Variants in LRP2BP observed in about 807,000 individuals in gnomAD.
LRP2BP encodes the protein LRP2 binding protein.
Under a neutral mutation model 45.2 loss-of-function variants are expected in LRP2BP, and 38 were observed. The ratio of observed to expected loss-of-function variants is 0.84; its 90% CI spans 0.65 to 1.10. LRP2BP has a LOEUF of 1.10. Among genes scored for constraint, LRP2BP ranks in the 50% least tolerant of loss-of-function variants. The probability of loss-of-function intolerance (pLI) is 0.00; values close to 1 mark genes in which losing one functional copy is unlikely to be tolerated. For synonymous variants in LRP2BP, 153 were observed against 153.9 expected, an observed-to-expected ratio of 0.99 and a Z score of 0.04; for missense variants, 385 against 418.9, an observed-to-expected ratio of 0.92 and a Z score of 0.71.
At chr4:185,379,047 GA>G (rs1250043339) in intron 1 of LRP2BP, 1 of 879,824 alleles carries the variant, frequency 1.1e-6, no homozygotes, top group Non-Finnish European at 1.4e-6. Context: ...CAGAAAAAAG[GA>G]ACATTTAGTA....
At chr4:185,377,769 A>C (rs2095442940) in intron 2 of LRP2BP, 1 of 218,564 alleles carries the variant, frequency 4.6e-6, no homozygotes, top group Non-Finnish European at 8.9e-6. Context: ...AAGGTATTTA[A>C]ATAATAATTG....
chr4:185,377,049 A>G (rs561083024), intron 2 of LRP2BP, 31 bp from the exon 3 acceptor site: 4 of 1,396,562 alleles, frequency 2.9e-6, no homozygotes, highest in Non-Finnish European at 3.1e-6. Flanking sequence ...AATTCCATCA[A>G]CCACACAATA....
At chr4:185,374,738 A>G (rs2095427511) in intron 4 of LRP2BP, among the ~76,000 whole-genome samples, 1 of 152,118 alleles carries the variant, frequency 6.6e-6, no homozygotes, top group African/African-American at 2.4e-5. Context: ...TTAAGTCTCG[A>G]TATGGGCTTC....
At chr4:185,394,224 A>G (rs2126857037) in intron 1 of LRP2BP, among the ~76,000 whole-genome samples, 1 of 148,788 alleles carries the variant, frequency 6.7e-6, no homozygotes, top group Non-Finnish European at 1.5e-5. Context: ...ACGCCACTGC[A>G]TTCCAATCTG....
At chr4:185,388,021 G>A (rs760239643) in intron 1 of LRP2BP, among the ~76,000 whole-genome samples, 13 of 152,206 alleles carry the variant, frequency 8.5e-5, no homozygotes, top group Non-Finnish European at 1.5e-4. Context: ...AGGACAGGCC[G>A]GCCCTAGGGG....
chr4:185,370,863 GTGTT>G lies in LRP2BP; in HGVS notation c.804-53_804-50del, dbSNP rs770809370. 1.9e-6 allele frequency: 3 copies of G among 1,598,204 alleles called. No individual in the cohort carries two copies. The South Asian group carries it at 3.3e-5, about 18-fold the overall frequency. On this transcript the variant is annotated intron_variant, in intron 7 of 8. Coordinates refer to ENST00000505916, the MANE Select transcript of LRP2BP (RefSeq NM_001377440.1). ...ATGGAAAAGACATCAGTTATGGTAA[GTGTT>G]TGTAAAACGATGCGCCTAGAGACTG...
intron 4 of LRP2BP, among the ~76,000 whole-genome samples, chr4:185,374,924 T>G (rs2095428126): frequency 6.6e-6 from 1 of 152,094 alleles, no homozygotes; most frequent in Non-Finnish European, 1.5e-5. Context: ...TACTGTGTGC[T>G]CATAGTTTGT....
rs2095445557 is a variant in LRP2BP at position 185,378,441 on chromosome 4, C to T, written c.-21-234G>A. The T allele has an allele frequency of 6.2e-6, 8 of 1,289,780 alleles. No individual in the cohort carries two copies. In the East Asian group the frequency reaches 2.7e-4, roughly 44 times the overall value. 79.9% of individuals were successfully genotyped at this position (1,289,780 alleles called of 1,614,324 possible). On this transcript the variant is annotated intron_variant, in intron 1 of 8. Transcript: ENST00000505916. The stretch of plus-strand genomic sequence containing the variant: ...TCATTTTCCACAGCATCGCATTCAC[C>T]ATGAGACCTGTTTGCACGTCCTGTC...
intron 7 of LRP2BP, 142 bp downstream of exon 7, chr4:185,372,714 T>A (rs2095419976): frequency 1.6e-6 from 1 of 624,490 alleles, no homozygotes; most frequent in Non-Finnish European, 2.7e-6. Flanking sequence ...TGCTGTCACG[T>A]GAGGACATGA....
intron 7 of LRP2BP, chr4:185,371,055 G>C: frequency 2.5e-6 from 1 of 396,094 alleles, no homozygotes; most frequent in Non-Finnish European, 4.6e-6. Context: ...AATAACCACT[G>C]GAAAACAAAG....
intron 1 of LRP2BP, chr4:185,390,515 T>C (rs1454227728): frequency 6.8e-6 from 1 of 146,108 alleles, no homozygotes; most frequent in Non-Finnish European, 1.5e-5. Flanking sequence ...CAAGATTCCG[T>C]CTCAAAAAAA....
chr4:185,396,197 T>TC (rs1178905548), upstream of LRP2BP: 1 of 152,156 alleles, frequency 6.6e-6, no homozygotes, highest in African/African-American at 2.4e-5. Flanking sequence ...GGGACAGCCA[T>TC]CCCCTCGAGT....
At chr4:185,378,414 T>G (rs2095445458) in intron 1 of LRP2BP, 2 of 1,352,386 alleles carry the variant, frequency 1.5e-6, no homozygotes, top group African/African-American at 1.5e-5. Context: ...CCATTCTCCA[T>G]GTCATTTTCC....
chr4:185,379,113 T>C (rs1409362580), intron 1 of LRP2BP: 1 of 358,532 alleles, frequency 2.8e-6, no homozygotes, highest in Non-Finnish European at 3.9e-6. Flanking sequence ...ATTTAATCTT[T>C]TTAAGAGTCA....
upstream of LRP2BP, chr4:185,397,143 C>G (rs766349305): frequency 6.2e-7 from 1 of 1,613,172 alleles, no homozygotes; most frequent in Middle Eastern, 1.9e-4. Flanking sequence ...CTGTTCTCTT[C>G]CTGCAGGTGG....
At chr4:185,385,166 T>TA (rs546354406) in intron 1 of LRP2BP, among the ~76,000 whole-genome samples, 127 of 152,320 alleles carry the variant, frequency 8.3e-4, no homozygotes, top group African/African-American at 2.9e-3. Context: ...GAAACACTGA[T>TA]ACGTTCAAAA....
At chr4:185,370,612 T>C in intron 8 of LRP2BP, 28 bp downstream of exon 8, 1 of 1,602,272 alleles carries the variant, frequency 6.2e-7, no homozygotes, top group South Asian at 1.1e-5. Context: ...TCTCTTTGGG[T>C]GAATTTATAT....
chr4:185,378,772 C>G, intron 1 of LRP2BP: 2 of 985,484 alleles, frequency 2.0e-6, no homozygotes, highest in Non-Finnish European at 2.4e-6. Flanking sequence ...GCGGTCACCT[C>G]ATTTGGGGTG....
At position 185,389,609 on chromosome 4, in the gene LRP2BP, A is replaced by G. The variant is rs540252467; in HGVS notation, c.-22+5170T>C. ...ATTCTACATTTTCCAGGCACTTTAAATGACCTTCACTAAAAAAAAACAACT... is the reference window on the plus strand; with the variant it reads ...ATTCTACATTTTCCAGGCACTTTAAGTGACCTTCACTAAAAAAAAACAACT... On this transcript the variant is annotated intron_variant, in intron 1 of 8. Coordinates refer to ENST00000505916, the MANE Select transcript of LRP2BP (RefSeq NM_001377440.1). Among the ~76,000 whole-genome samples the G allele has an allele frequency of 1.5e-4, 6 of 39,866 alleles. No individual in the cohort carries two copies. In the East Asian group the frequency reaches 4.2e-3, roughly 28 times the overall value. The allele number at this position is 39,866 out of a possible 152,430, so 26.2% of individuals were successfully genotyped here.
Sources: gnomAD v4.1 joint callset for allele counts (sites outside exome capture counted in the v4.1 genomes callset) on GRCh38, gnomAD v4.1.1 for gene constraint, MANE v1.5 for transcripts, NCBI Gene and HGNC (gene_info 2026-07-23, HGNC 2026-07-21) for gene names.